The following RPTOR variants were observed in gnomAD, a reference collection of about 807,000 sequenced individuals.
The protein encoded by RPTOR is regulatory-associated protein of mTOR.
A neutral mutation model predicts 169.9 loss-of-function variants in RPTOR; 21 were observed. That is an observed-to-expected ratio of 0.12 (90% CI 0.09 to 0.18). RPTOR has a LOEUF of 0.18. Ranked by LOEUF, RPTOR falls within the 10% of genes least tolerant of loss-of-function variation. RPTOR has a pLI of 1.00. For missense variants in RPTOR, 1,133 were observed against 1,855.9 expected (o/e 0.61, Z 7.16); for synonymous variants, 732 against 753.2 (o/e 0.97, Z 0.46).
Position 80,773,718 on chromosome 17 carries a change from C to T in RPTOR, c.831-17732C>T. 4.3e-6 allele frequency: 4 copies of T among 922,502 alleles called. No homozygotes were observed. In the African/African-American group the frequency reaches 5.4e-5, roughly 12 times the overall value. 57.1% of individuals were successfully genotyped at this position (922,502 alleles called of 1,614,324 possible). On this transcript the variant is annotated intron_variant, in intron 6 of 33. Transcript: ENST00000306801. ...TTGCTTCCTCTGGCACCAGGCCCTC[C>T]TCCAGGCAGGCGCTTGGGCAGGCTG...
At chr17:80,686,473 C>T (rs1476338851) in intron 3 of RPTOR, among the ~76,000 whole-genome samples, 1 of 151,878 alleles carries the variant, frequency 6.6e-6, no homozygotes, top group Non-Finnish European at 1.5e-5. Context: ...GACTTAAGTG[C>T]GTCACTGTCT....
At chr17:80,677,658 CT>C (rs1370714325) in intron 3 of RPTOR, among the ~76,000 whole-genome samples, 1 of 152,218 alleles carries the variant, frequency 6.6e-6, no homozygotes, top group Non-Finnish European at 1.5e-5. Context: ...GCAGTTTTCT[CT>C]TCCTCAACTT....
rs1321622074 is a variant in RPTOR, at chr17:80,860,466, C to T, written c.1509+2566C>T. ...ATCAGGTCCCCAACTGTGCTGCCCA[C>T]GGACCCCTGGGCCCCTGCTCAGCCC... On this transcript the variant is annotated intron_variant, in intron 13 of 33. Transcript: ENST00000306801. This position sits in a 1 kb window ranked among gnomAD's most constrained non-coding sequence, Gnocchi z 5.8. Among the ~76,000 whole-genome samples the T allele has an allele frequency of 2.0e-5, 3 of 152,162 alleles. No individual in the cohort carries two copies. Among genetic ancestry groups the T allele is most frequent in the Non-Finnish European group, 4.4e-5 (3 of 68,028 alleles).
At chr17:80,931,462 C>T (rs1295322607) in intron 24 of RPTOR, among the ~76,000 whole-genome samples, 1 of 152,220 alleles carries the variant, frequency 6.6e-6, no homozygotes, top group East Asian at 1.9e-4. Flanking sequence ...ACAGGCTGCA[C>T]AGGCCATGGA....
rs928004678 is a variant in RPTOR, at chr17:80,846,496, G to A, written c.1236G>A (p.Gln412=). Residue 412 remains glutamine, a synonymous_variant, in exon 11 of 34, where the codon CAG becomes CAA. Transcript: ENST00000306801. ...AGCACAGCCCGTTCTTCGCCGAGCAGCTGACCGCATTCCAGGTGTGGCTCA... is the reference window on the plus strand; with the variant it reads ...AGCACAGCCCGTTCTTCGCCGAGCAACTGACCGCATTCCAGGTGTGGCTCA... The part of the protein sequence containing the change: ...AFRHSPFFAE[Q]LTAFQVWLTM... 3 of 1,614,164 alleles carry A rather than the reference G, an allele frequency of 1.9e-6. No individual in the cohort carries two copies. The highest frequency in any genetic ancestry group is 1.7e-6 in the Non-Finnish European group (2 of 1,180,026).
intron 10 of RPTOR, among the ~76,000 whole-genome samples, chr17:80,838,868 GTATCCAACCC>G (rs1361037783): frequency 6.6e-6 from 1 of 152,226 alleles, no homozygotes; most frequent in Non-Finnish European, 1.5e-5. Context: ...GATTATGGTG[GTATCCAACCC>G]CAGGGGTGCT....
Position 80,769,439 on chromosome 17 carries a change from T to C in RPTOR, c.830+15254T>C, listed in dbSNP as rs550558251. 8.5e-5 allele frequency among the ~76,000 whole-genome samples: 13 copies of C among 152,336 alleles called. No individual in the cohort carries two copies. In the South Asian group the frequency reaches 2.7e-3, roughly 32 times the overall value. The stretch of plus-strand genomic sequence containing the variant: ...TGAGAACAGCCCGAGTGCTGCTTAC[T>C]TGCAGGTTGAAAGGACTCTGTGCAA... On this transcript the variant is annotated intron_variant, in intron 6 of 33. Transcript: ENST00000306801.
Position 80,891,805 on chromosome 17 carries a change from A to G in RPTOR, c.2069A>G (p.Lys690Arg). 1 of 1,613,938 alleles carries G rather than the reference A, an allele frequency of 6.2e-7. No homozygotes were observed. The highest frequency in any genetic ancestry group is 8.5e-7 in the Non-Finnish European group (1 of 1,179,860). ...TVALQFIEEEKNYALPSPATT... is the reference protein window; with the variant it reads ...TVALQFIEEERNYALPSPATT... Reference sequence around the variant, plus strand: ...GCCCTGCAGTTCATAGAAGAGGAAAAGAACTACGCCTTGCCTTCTCCAGCA... The same window carrying G: ...GCCCTGCAGTTCATAGAAGAGGAAAGGAACTACGCCTTGCCTTCTCCAGCA... The change falls in exon 18 of 34, where the codon AAG becomes AGG. Residue 690 changes from lysine to arginine, a missense_variant. By Grantham distance (26) the Lys-to-Arg change is conservative. This residue lies in a region of RPTOR where 150 missense variants were observed against 206.4 expected (regional missense o/e 0.73). Coordinates refer to ENST00000306801, the MANE Select transcript of RPTOR (RefSeq NM_020761.3).
intron 3 of RPTOR, among the ~76,000 whole-genome samples, chr17:80,693,793 T>C (rs754633277): frequency 1.3e-5 from 2 of 152,184 alleles, no homozygotes; most frequent in Non-Finnish European, 2.9e-5. Context: ...GCCAGAGAGC[T>C]GACTCAGATA....
At chr17:80,597,434 G>A (rs1386157106) in intron 1 of RPTOR, among the ~76,000 whole-genome samples, 1 of 152,202 alleles carries the variant, frequency 6.6e-6, no homozygotes, top group African/African-American at 2.4e-5. Flanking sequence ...GGGACCAGGT[G>A]AAGGAATCTC....
intron 20 of RPTOR, among the ~76,000 whole-genome samples, chr17:80,906,454 G>T (rs987289598): frequency 2.0e-5 from 3 of 152,210 alleles, no homozygotes; most frequent in African/African-American, 7.2e-5. Flanking sequence ...TTGAGCAGAA[G>T]GTGCATCTGC....
chr17:80,888,788 ACCCTGC>A (rs2068280580), intron 17 of RPTOR, among the ~76,000 whole-genome samples: 1 of 152,130 alleles, frequency 6.6e-6, no homozygotes. Context: ...CAGGGCACTA[ACCCTGC>A]CTCTTCTCTC....
intron 31 of RPTOR, 26 bp from the exon 32 acceptor site, chr17:80,962,435 G>A (rs200478473): frequency 1.9e-6 from 3 of 1,595,160 alleles, no homozygotes; most frequent in East Asian, 4.5e-5. Context: ...CCGGGAGGAG[G>A]TGTCACTGTG....
intron 1 of RPTOR, among the ~76,000 whole-genome samples, chr17:80,594,144 A>T (rs1424059363): frequency 6.6e-6 from 1 of 151,600 alleles, no homozygotes; most frequent in Non-Finnish European, 1.5e-5. Flanking sequence ...CCCAGGCTGC[A>T]GTGCAGTGGT....
intron 5 of RPTOR, among the ~76,000 whole-genome samples, chr17:80,748,077 CGGTGTGTGTTT>C (rs2066594229): frequency 1.4e-5 from 1 of 69,998 alleles, no homozygotes; most frequent in African/African-American, 7.1e-5. Context: ...GGAGGGACTG[CGGTGTGTGTTT>C]AGAGGCCGTG....
chr17:80,847,790 T>C (rs1363677251), intron 11 of RPTOR, among the ~76,000 whole-genome samples: 1 of 152,218 alleles, frequency 6.6e-6, no homozygotes, highest in Non-Finnish European at 1.5e-5. Context: ...CCTGCCCTTC[T>C]TCCTTCCAGA....
intron 1 of RPTOR, among the ~76,000 whole-genome samples, chr17:80,583,196 T>TTTTTTTTTTTTTTTTTTTG (rs1555717407): frequency 7.3e-6 from 1 of 137,374 alleles, no homozygotes; most frequent in African/African-American, 2.7e-5. Context: ...TTTTTTTTTT[T>TTTTTTTTTTTTTTTTTTTG]TTTTTTTTTT....
Position 80,609,970 on chromosome 17 carries a change from C to T in RPTOR, c.163-15721C>T, listed in dbSNP as rs2065258533. Among the ~76,000 whole-genome samples the T allele has an allele frequency of 6.6e-6, 1 of 152,174 alleles. No individual in the cohort carries two copies. The highest frequency in any genetic ancestry group is 2.1e-4 in the South Asian group (1 of 4,832). ...TGCTGGGTCCTGGAACGAGGCCTTCCAGCAAGTCGGTTCTCACGTCAAGGG... is the reference window on the plus strand; with the variant it reads ...TGCTGGGTCCTGGAACGAGGCCTTCTAGCAAGTCGGTTCTCACGTCAAGGG... On this transcript the variant is annotated intron_variant, in intron 1 of 33. Transcript: ENST00000306801. The surrounding 1 kb of genome is among the most constrained non-coding windows in gnomAD (Gnocchi z 4.8).
At chr17:80,579,905 C>A (rs1401768454) in intron 1 of RPTOR, among the ~76,000 whole-genome samples, 1 of 152,126 alleles carries the variant, frequency 6.6e-6, no homozygotes, top group African/African-American at 2.4e-5. Context: ...GGGATTATTC[C>A]TGATGCAGTG....
Sources: allele counts gnomAD v4.1 joint callset (sites outside exome capture counted in the v4.1 genomes callset), GRCh38; gene constraint gnomAD v4.1.1; regional missense constraint gnomAD v4.1.1; non-coding constraint Gnocchi (gnomAD v3.1); transcripts MANE v1.5; gene names NCBI Gene and HGNC (gene_info 2026-07-23, HGNC 2026-07-21).